Variants in LAPTM4B observed in about 807,000 individuals in gnomAD.
The protein encoded by LAPTM4B is lysosomal-associated transmembrane protein 4B.
Under a neutral mutation model 28.5 loss-of-function variants are expected in LAPTM4B, and 26 were observed. The observed-to-expected ratio is 0.91, with a 90% CI of 0.67 to 1.27. The LOEUF (loss-of-function observed/expected upper bound fraction) is 1.27, where lower values mean the gene tolerates loss of function less well. Among genes scored for constraint, LAPTM4B ranks in the 50% most tolerant of loss-of-function variants. The probability of loss-of-function intolerance (pLI) is 0.00; values close to 1 mark genes in which losing one functional copy is unlikely to be tolerated. For missense variants in LAPTM4B, 288 were observed against 285.8 expected, an observed-to-expected ratio of 1.01 and a Z score of -0.06; for synonymous variants, 109 against 106.4, an observed-to-expected ratio of 1.02 and a Z score of -0.15.
chr8:97,839,435 C>T (rs1362303322), intron 6 of LAPTM4B, among the ~76,000 whole-genome samples: 1 of 152,136 alleles, frequency 6.6e-6, no homozygotes, highest in Non-Finnish European at 1.5e-5. Context: ...TCAGGTGATC[C>T]GCCTGCCTCG....
intron 4 of LAPTM4B, 100 bp downstream of exon 4, chr8:97,816,280 T>C (rs1406622965): frequency 4.9e-6 from 6 of 1,216,512 alleles, no homozygotes; most frequent in Non-Finnish European, 6.8e-6. Flanking sequence ...AATTTCAGGA[T>C]TTTTAGCTTG....
chr8:97,812,429 A>C (rs1816847077), intron 2 of LAPTM4B, among the ~76,000 whole-genome samples: 1 of 149,504 alleles, frequency 6.7e-6, no homozygotes, highest in South Asian at 2.1e-4. Flanking sequence ...CTGTTCTTGA[A>C]CTCCTGACCT....
chr8:97,796,387 T>C (rs575961843), intron 1 of LAPTM4B, among the ~76,000 whole-genome samples: 47 of 152,348 alleles, frequency 3.1e-4, no homozygotes, highest in African/African-American at 1.1e-3. Context: ...TATGAGCCAC[T>C]GTGCTTGTCC....
At chr8:97,837,297 A>G (rs1233170051) in intron 6 of LAPTM4B, among the ~76,000 whole-genome samples, 5 of 146,512 alleles carry the variant, frequency 3.4e-5, no homozygotes, top group Non-Finnish European at 7.4e-5. Context: ...GGTTCACGTT[A>G]TTCTCCTGTC....
At chr8:97,819,305 A>G (rs542864166) in intron 5 of LAPTM4B, 67 bp downstream of exon 5, 1 of 971,476 alleles carries the variant, frequency 1.0e-6, no homozygotes, top group Non-Finnish European at 1.6e-6. Flanking sequence ...AAATAAGTAA[A>G]CAAACTTTGG....
intron 1 of LAPTM4B, among the ~76,000 whole-genome samples, chr8:97,778,240 C>G (rs1816257475): frequency 6.6e-6 from 1 of 151,932 alleles, no homozygotes; most frequent in African/African-American, 2.4e-5. Flanking sequence ...GGAAACCTGG[C>G]TTAAGTACTG....
chr8:97,805,827 G>C (rs898503787), intron 2 of LAPTM4B, among the ~76,000 whole-genome samples: 1 of 152,038 alleles, frequency 6.6e-6, no homozygotes, highest in African/African-American at 2.4e-5. Context: ...TTTTATTCTA[G>C]GAGTGATCCT....
Position 97,815,393 on chromosome 8 carries a change from G to A in LAPTM4B, c.277G>A (p.Ala93Thr), listed in dbSNP as rs1816895274. The A allele has an allele frequency of 6.2e-7, 1 of 1,613,316 alleles. No individual in the cohort carries two copies. The highest frequency in any genetic ancestry group is 8.5e-7 in the Non-Finnish European group (1 of 1,179,314). The change falls in exon 3 of 7, where the codon GCG (alanine) becomes ACG (threonine). Residue 93 changes from alanine (A) to threonine (T), a missense_variant. Physicochemically the swap from Ala to Thr is moderately conservative, Grantham distance 58. Transcript: ENST00000521545. ...GATATGTGCTATGGCTACTTACGGA[G>A]CGTACAAGGTAAGCCGCTTGCAGTA... is the stretch of plus-strand genomic sequence containing the variant. ...ILICAMATYG[A>T]YKQRAAWIIP...
At chr8:97,832,671 A>ATTTATTTTTATTTTATTTTATTTTAT (rs1817198810) in intron 6 of LAPTM4B, among the ~76,000 whole-genome samples, 1 of 136,454 alleles carries the variant, frequency 7.3e-6, no homozygotes, top group Non-Finnish European at 1.6e-5. Flanking sequence ...TTTTTTATTT[A>ATTTATTTTTATTTTATTTTATTTTAT]TTTATTTTTA....
chr8:97,848,705 A>G (rs1382737254), intron 6 of LAPTM4B, among the ~76,000 whole-genome samples: 1 of 152,236 alleles, frequency 6.6e-6, no homozygotes. Flanking sequence ...AATTTATCTA[A>G]AGATAAGTAT....
At chr8:97,805,310 G>C (rs1816741996) in intron 1 of LAPTM4B, 43 bp from the exon 2 acceptor site, 1 of 1,074,404 alleles carries the variant, frequency 9.3e-7, no homozygotes. Flanking sequence ...TTGCATCCTG[G>C]GGTTACTTAA....
At chr8:97,776,177 C>G in intron 1 of LAPTM4B, 69 bp downstream of exon 1, 11 of 1,459,942 alleles carry the variant, frequency 7.5e-6, no homozygotes, top group Non-Finnish European at 9.9e-6. Context: ...TCTGGCCCGG[C>G]CTCGCGGTGG....
intron 6 of LAPTM4B, among the ~76,000 whole-genome samples, chr8:97,840,557 T>A (rs1187663940): frequency 2.0e-5 from 3 of 152,240 alleles, no homozygotes; most frequent in Non-Finnish European, 4.4e-5. Flanking sequence ...TTAGGTTCAC[T>A]GAAGACAAGA....
In LAPTM4B at chr8:97,775,912, G is replaced by A. The variant is rs1816198699; in HGVS notation, c.-98G>A. 6.9e-7 allele frequency: 1 copy of A among 1,454,810 alleles called. No homozygotes were observed. Among genetic ancestry groups the A allele is most frequent in the East Asian group, 3.0e-5 (1 of 33,632 alleles). The allele number at this position is 1,454,810 out of a possible 1,614,324, so 90.1% of individuals were successfully genotyped here. ...GGGCGAGCGGGCCGGGAGCCGGAGC[G>A]GCGGAGGAGCCGGCAGCAGCGGCGC... is the stretch of plus-strand genomic sequence containing the variant. On this transcript the variant is annotated 5_prime_UTR_variant, in exon 1 of 7. Coordinates refer to ENST00000521545, the MANE Select transcript of LAPTM4B (RefSeq NM_018407.6).
intron 2 of LAPTM4B, among the ~76,000 whole-genome samples, chr8:97,810,302 A>G (rs991170617): frequency 7.2e-5 from 11 of 152,342 alleles, no homozygotes; most frequent in African/African-American, 2.2e-4. Flanking sequence ...ACACAATTAA[A>G]TGCACTGTGG....
In LAPTM4B at chr8:97,781,278, C is replaced by CTTTTTTTTTTTTT. The variant is rs71271147; in HGVS notation, c.99+5179_99+5191dup. Among the ~76,000 whole-genome samples, 20 of 50,838 alleles carry CTTTTTTTTTTTTT rather than the reference C, an allele frequency of 3.9e-4. 4 individuals are homozygous for CTTTTTTTTTTTTT. The highest frequency in any genetic ancestry group is 2.1e-3 in the African/African-American group (19 of 9,046). The allele number at this position is 50,838 out of a possible 152,430, so 33.4% of individuals were successfully genotyped here. On this transcript the variant is annotated intron_variant, in intron 1 of 6. Transcript: ENST00000521545. ...ACAGGCGTGAGCCACTGTGCCCGGC[C>CTTTTTTTTTTTTT]TTTTTTTTTTTTTTTTTTTTTGAGG... is the stretch of plus-strand genomic sequence containing the variant.
chr8:97,817,268 A>G (rs1235386345), intron 4 of LAPTM4B, among the ~76,000 whole-genome samples: 1 of 151,674 alleles, frequency 6.6e-6, no homozygotes. Flanking sequence ...AGTAGCTGGC[A>G]CTATAGGCAT....
At chr8:97,820,121 T>G (rs1301229036) in intron 5 of LAPTM4B, among the ~76,000 whole-genome samples, 1 of 152,164 alleles carries the variant, frequency 6.6e-6, no homozygotes, top group Non-Finnish European at 1.5e-5. Context: ...TTAAATGACT[T>G]CTACTTCCTG....
intron 1 of LAPTM4B, among the ~76,000 whole-genome samples, chr8:97,802,562 C>T (rs1376537553): frequency 3.3e-5 from 5 of 152,094 alleles, no homozygotes; most frequent in Non-Finnish European, 7.3e-5. Context: ...CCTGTTTTAT[C>T]GGCATGGTCT....
Sources: allele counts gnomAD v4.1 joint callset (sites outside exome capture counted in the v4.1 genomes callset), GRCh38; gene constraint gnomAD v4.1.1; transcripts MANE v1.5; gene names NCBI Gene and HGNC (gene_info 2026-07-23, HGNC 2026-07-21).